The following AKAP19 variants were observed in gnomAD, a reference collection of about 807,000 sequenced individuals.
AKAP19 encodes the protein A-kinase anchoring protein 19.
At chr2:189,978,122 A>C in the AKAP19 span, among the ~76,000 whole-genome samples, 1 of 152,184 alleles carries the variant, frequency 6.6e-6, no homozygotes, top group African/African-American at 2.4e-5. Flanking sequence ...TCAGAGGTAC[A>C]TGTGCTGGTT....
the AKAP19 span, among the ~76,000 whole-genome samples, chr2:190,086,952 C>T: frequency 6.6e-6 from 1 of 152,152 alleles, no homozygotes; most frequent in Non-Finnish European, 1.5e-5. Context: ...CAAAGGAACC[C>T]TTCTAGTGTT....
At chr2:189,919,925 G>T in the AKAP19 span, among the ~76,000 whole-genome samples, 1 of 152,000 alleles carries the variant, frequency 6.6e-6, no homozygotes, top group Admixed American at 6.6e-5. Flanking sequence ...TCAGGGCTTT[G>T]ATATAAAGTG....
chr2:189,965,523 A>C, the AKAP19 span, among the ~76,000 whole-genome samples: 1 of 152,110 alleles, frequency 6.6e-6, no homozygotes, highest in Non-Finnish European at 1.5e-5. Flanking sequence ...AAAGTGTACA[A>C]ATGGCCAACA....
the AKAP19 span, among the ~76,000 whole-genome samples, chr2:190,093,619 G>A: frequency 1.3e-5 from 2 of 152,052 alleles, no homozygotes; most frequent in South Asian, 4.1e-4. Flanking sequence ...GCCTCTAATA[G>A]GATAATGTTT....
At chr2:190,199,749 C>T in the AKAP19 span, 2 of 1,520,130 alleles carry the variant, frequency 1.3e-6, no homozygotes, top group South Asian at 1.3e-5. Flanking sequence ...ACTGAAGTGC[C>T]CTGGAGAGGG....
At chr2:190,120,862 GA>G in the AKAP19 span, among the ~76,000 whole-genome samples, 3 of 152,210 alleles carry the variant, frequency 2.0e-5, no homozygotes, top group Admixed American at 2.0e-4. Flanking sequence ...GATGATAAAG[GA>G]ATTTACCTTA....
At chr2:190,137,117 C>T in the AKAP19 span, among the ~76,000 whole-genome samples, 1 of 152,150 alleles carries the variant, frequency 6.6e-6, no homozygotes, top group East Asian at 1.9e-4. Flanking sequence ...TTATGTCATC[C>T]ATATCATCAA....
the AKAP19 span, among the ~76,000 whole-genome samples, chr2:189,899,184 T>A: frequency 6.6e-6 from 1 of 152,206 alleles, no homozygotes; most frequent in East Asian, 1.9e-4. Flanking sequence ...TATTACTTAT[T>A]GAGAATTCTT....
chr2:190,111,900 T>C, the AKAP19 span, among the ~76,000 whole-genome samples: 1 of 152,216 alleles, frequency 6.6e-6, no homozygotes, highest in Non-Finnish European at 1.5e-5. Context: ...TTTTGTTTTT[T>C]TGTTTGTTTG....
At chr2:190,132,027 A>G in the AKAP19 span, among the ~76,000 whole-genome samples, 20 of 152,206 alleles carry the variant, frequency 1.3e-4, no homozygotes, top group Non-Finnish European at 2.9e-5. Context: ...TTATACTAAC[A>G]ACGAGCTATC....
At chr2:189,921,261 A>G in the AKAP19 span, among the ~76,000 whole-genome samples, 1 of 152,192 alleles carries the variant, frequency 6.6e-6, no homozygotes, top group Non-Finnish European at 1.5e-5. Context: ...GAAGGCTGAT[A>G]AGAAATAGTT....
chr2:190,028,713 A>T, the AKAP19 span, among the ~76,000 whole-genome samples: 1 of 152,226 alleles, frequency 6.6e-6, no homozygotes, highest in Non-Finnish European at 1.5e-5. Flanking sequence ...TTATGTAAAT[A>T]TAAAGTAGTG....
the AKAP19 span, among the ~76,000 whole-genome samples, chr2:190,101,038 A>G: frequency 6.6e-6 from 1 of 152,236 alleles, no homozygotes; most frequent in Non-Finnish European, 1.5e-5. Flanking sequence ...TATGAGGGAA[A>G]GACATCAGGA....
the AKAP19 span, among the ~76,000 whole-genome samples, chr2:189,933,456 A>T: frequency 1.3e-5 from 2 of 152,212 alleles, no homozygotes; most frequent in East Asian, 3.8e-4. Context: ...ATTTTTAAAC[A>T]GTCATTTTTC....
the AKAP19 span, among the ~76,000 whole-genome samples, chr2:190,003,636 G>T: frequency 6.6e-5 from 10 of 152,080 alleles, no homozygotes; most frequent in African/African-American, 2.2e-4. Flanking sequence ...GGCCACAAGC[G>T]GCGGATCTCT....
the AKAP19 span, among the ~76,000 whole-genome samples, chr2:189,941,839 G>T: frequency 3.9e-5 from 6 of 152,046 alleles, no homozygotes; most frequent in Admixed American, 3.9e-4. Context: ...GAATATAAAT[G>T]GACTCAATTT....
At chr2:190,026,609 C>T in the AKAP19 span, among the ~76,000 whole-genome samples, 2 of 152,172 alleles carry the variant, frequency 1.3e-5, no homozygotes, top group South Asian at 2.1e-4. Context: ...AGAATGGCTC[C>T]TATCTTCTTT....
chr2:190,152,271 A>G, the AKAP19 span, among the ~76,000 whole-genome samples: 5 of 152,196 alleles, frequency 3.3e-5, no homozygotes, highest in Non-Finnish European at 7.3e-5. Context: ...CTTTACATTC[A>G]AATTGTTGCT....
At chr2:189,915,972 A>G in the AKAP19 span, among the ~76,000 whole-genome samples, 99,628 of 151,962 alleles carry the variant, frequency 0.66, 35,040 homozygotes, top group East Asian at 0.89. Context: ...AAAACTAGTT[A>G]CCCAACACAT....
Sources: allele counts gnomAD v4.1 joint callset (sites outside exome capture counted in the v4.1 genomes callset), GRCh38; gene constraint gnomAD v4.1.1; transcripts MANE v1.5; gene names NCBI Gene and HGNC (gene_info 2026-07-23, HGNC 2026-07-21).